The following MALRD1 variants were observed in gnomAD, a reference collection of about 807,000 sequenced individuals.
MALRD1 encodes the protein MAM and LDL receptor class A domain containing 1.
A neutral mutation model predicts 242.1 loss-of-function variants in MALRD1; 247 were observed. The observed-to-expected ratio is 1.02, with a 90% CI of 0.92 to 1.13. The LOEUF (loss-of-function observed/expected upper bound fraction) is 1.13, where lower values mean the gene tolerates loss of function less well. Among genes scored for constraint, MALRD1 ranks in the 50% most tolerant of loss-of-function variants. The pLI is 0.00. For synonymous variants in MALRD1, 995 were observed against 866.6 expected (o/e 1.15, Z -2.60); for missense variants, 2,989 against 2,533.1 (o/e 1.18, Z -3.86).
In MALRD1 at chr10:19,212,597, G is replaced by A. The variant is rs76282615; in HGVS notation, c.2991+2917G>A. On this transcript the variant is annotated intron_variant, in intron 18 of 39. Transcript: ENST00000454679. The stretch of plus-strand genomic sequence containing the variant: ...ATGAACACCTACTTTTATCTCTCTT[G>A]GGTAAATACCCAGGAGTGCAATGGC... Among the ~76,000 whole-genome samples, 1,225 of 152,114 alleles carry A rather than the reference G, an allele frequency of 8.1e-3. 19 individuals are homozygous for A. The highest frequency in any genetic ancestry group is 0.028 in the African/African-American group (1,161 of 41,496).
intron 36 of MALRD1, among the ~76,000 whole-genome samples, chr10:19,643,583 A>G (rs996895567): frequency 2.0e-5 from 3 of 152,220 alleles, no homozygotes; most frequent in Non-Finnish European, 2.9e-5. Context: ...TTAAGACATT[A>G]GAGTAGAAAA....
At chr10:19,202,867 A>G (rs569457016) in intron 14 of MALRD1, among the ~76,000 whole-genome samples, 10 of 152,296 alleles carry the variant, frequency 6.6e-5, no homozygotes, top group African/African-American at 2.4e-4. Context: ...AGGAGTCACA[A>G]TATTTGGATT....
intron 34 of MALRD1, 41 bp from the exon 35 acceptor site, chr10:19,607,736 T>G (rs1838705216): frequency 6.6e-7 from 1 of 1,524,988 alleles, no homozygotes; most frequent in African/African-American, 1.4e-5. Flanking sequence ...CAAAAAAAAA[T>G]CATGCTGGCA....
chr10:19,178,841 A>G (rs1231785172), intron 14 of MALRD1, among the ~76,000 whole-genome samples: 1 of 152,192 alleles, frequency 6.6e-6, no homozygotes, highest in Non-Finnish European at 1.5e-5. Context: ...CTGTGAGTGC[A>G]TTACTGACTC....
chr10:19,293,010 T>A (rs540265691), intron 21 of MALRD1, among the ~76,000 whole-genome samples: 1 of 152,046 alleles, frequency 6.6e-6, no homozygotes, highest in South Asian at 2.1e-4. Flanking sequence ...AGAGAAAATA[T>A]TATAATTTTT....
chr10:19,594,938 C>T (rs1838004972), intron 33 of MALRD1, among the ~76,000 whole-genome samples: 1 of 152,070 alleles, frequency 6.6e-6, no homozygotes, highest in South Asian at 2.1e-4. Context: ...CACTAAAGAA[C>T]TTATTAATAT....
intron 29 of MALRD1, among the ~76,000 whole-genome samples, chr10:19,479,557 A>C (rs563426278): frequency 6.6e-6 from 1 of 152,354 alleles, no homozygotes; most frequent in African/African-American, 2.4e-5. Flanking sequence ...TGAGAATTAC[A>C]TGAGTTAATA....
chr10:19,588,562 T>C (rs1351654472), intron 33 of MALRD1, among the ~76,000 whole-genome samples: 1 of 152,240 alleles, frequency 6.6e-6, no homozygotes, highest in African/African-American at 2.4e-5. Flanking sequence ...GCTTTGATTG[T>C]GGGATTTTCT....
chr10:19,301,499 G>A (rs1021210784), intron 21 of MALRD1, among the ~76,000 whole-genome samples: 1 of 151,848 alleles, frequency 6.6e-6, no homozygotes, highest in Non-Finnish European at 1.5e-5. Context: ...TAGAGAAAAT[G>A]TACATATATA....
intron 36 of MALRD1, among the ~76,000 whole-genome samples, chr10:19,648,527 A>C (rs1056854971): frequency 9.2e-5 from 14 of 152,252 alleles, no homozygotes; most frequent in African/African-American, 3.1e-4. Context: ...CAACCAATAA[A>C]TGAACAACTG....
At chr10:19,050,513 T>C (rs1414807961) in intron 1 of MALRD1, among the ~76,000 whole-genome samples, 1 of 152,212 alleles carries the variant, frequency 6.6e-6, no homozygotes, top group Non-Finnish European at 1.5e-5. Context: ...TCAGTTGCTA[T>C]TACATTAAAA....
At chr10:19,090,488 GT>G in intron 4 of MALRD1, among the ~76,000 whole-genome samples, 1 of 71,322 alleles carries the variant, frequency 1.4e-5, no homozygotes, top group Non-Finnish European at 2.5e-5. Context: ...GAGATTTTGG[GT>G]TGAGACGATG....
chr10:19,396,272 G>A (rs1227380559), intron 28 of MALRD1, among the ~76,000 whole-genome samples: 1 of 151,646 alleles, frequency 6.6e-6, no homozygotes, highest in African/African-American at 2.4e-5. Context: ...GGGTAGCTGG[G>A]AACACAGGTG....
chr10:19,369,680 A>G (rs573101643), intron 26 of MALRD1, among the ~76,000 whole-genome samples: 2 of 150,978 alleles, frequency 1.3e-5, no homozygotes, highest in Admixed American at 1.3e-4. Context: ...ATAAGTACAC[A>G]AATACACACA....
intron 21 of MALRD1, among the ~76,000 whole-genome samples, chr10:19,309,000 G>A (rs1343062759): frequency 6.6e-6 from 1 of 151,512 alleles, no homozygotes; most frequent in African/African-American, 2.4e-5. Flanking sequence ...TGTAATCTGG[G>A]TTTTGGGCTT....
chr10:19,392,362 A>G (rs973242735), intron 28 of MALRD1, among the ~76,000 whole-genome samples: 7 of 152,156 alleles, frequency 4.6e-5, no homozygotes, highest in Admixed American at 2.0e-4. Flanking sequence ...CTGAGCCCCA[A>G]GTGTTCCACA....
intron 36 of MALRD1, among the ~76,000 whole-genome samples, chr10:19,621,204 G>A (rs1434893579): frequency 6.6e-6 from 1 of 151,120 alleles, no homozygotes; most frequent in African/African-American, 2.4e-5. Context: ...AAGAAACATG[G>A]TGTAAAAAAT....
intron 38 of MALRD1, among the ~76,000 whole-genome samples, chr10:19,701,943 A>G (rs1223526515): frequency 6.6e-6 from 1 of 151,858 alleles, no homozygotes; most frequent in Non-Finnish European, 1.5e-5. Flanking sequence ...TAACATTTCT[A>G]ATTGAGTTGG....
At chr10:19,260,771 GA>G (rs1839710690) in intron 19 of MALRD1, among the ~76,000 whole-genome samples, 1 of 152,142 alleles carries the variant, frequency 6.6e-6, no homozygotes, top group Non-Finnish European at 1.5e-5. Flanking sequence ...GGAGGAAATT[GA>G]AAAGGAGATA....
Sources: allele counts gnomAD v4.1 joint callset (sites outside exome capture counted in the v4.1 genomes callset), GRCh38; gene constraint gnomAD v4.1.1; transcripts MANE v1.5; gene names NCBI Gene and HGNC (gene_info 2026-07-23, HGNC 2026-07-21).